SLC44A1: variants seen among roughly 807,000 people sequenced by gnomAD.
The protein encoded by SLC44A1 is solute carrier family 44 member 1.
Under a neutral mutation model 79.3 loss-of-function variants are expected in SLC44A1, and 26 were observed. The observed-to-expected ratio is 0.33, with a 90% CI of 0.24 to 0.46. The LOEUF (loss-of-function observed/expected upper bound fraction) is 0.46, where lower values mean the gene tolerates loss of function less well. Ranked by LOEUF, SLC44A1 falls within the 20% of genes least tolerant of loss-of-function variation. The pLI is 1.00. For missense variants in SLC44A1, 688 were observed against 798.1 expected (o/e 0.86, Z 1.66); for synonymous variants, 263 against 286.2 (o/e 0.92, Z 0.82).
At chr9:105,285,446 C>A (rs561367107) in intron 1 of SLC44A1, among the ~76,000 whole-genome samples, 2 of 152,202 alleles carry the variant, frequency 1.3e-5, no homozygotes, top group Non-Finnish European at 1.5e-5. Flanking sequence ...AAAAAGTTAA[C>A]CATGTAAAAA....
chr9:105,428,777 A>G (rs550595251), intron 15 of SLC44A1, among the ~76,000 whole-genome samples: 1 of 152,178 alleles, frequency 6.6e-6, no homozygotes, highest in South Asian at 2.1e-4. Context: ...TCGGCGCCCT[A>G]CAGCCTCCGC....
At chr9:105,385,890 G>A in intron 15 of SLC44A1, 4 of 985,232 alleles carry the variant, frequency 4.1e-6, no homozygotes, top group Non-Finnish European at 4.8e-6. Context: ...ATTTTGGAAG[G>A]TGATCATAGC....
At chr9:105,335,973 A>G (rs1054685339) in intron 4 of SLC44A1, among the ~76,000 whole-genome samples, 1 of 152,176 alleles carries the variant, frequency 6.6e-6, no homozygotes, top group Non-Finnish European at 1.5e-5. Context: ...GATGTAGTCT[A>G]TCGAGTATTT....
intron 1 of SLC44A1, among the ~76,000 whole-genome samples, chr9:105,276,067 A>G (rs911686735): frequency 3.3e-5 from 5 of 152,162 alleles, no homozygotes; most frequent in Middle Eastern, 3.4e-3. Context: ...CGGTCTCCCA[A>G]AGTGCTGGGA....
intron 1 of SLC44A1, among the ~76,000 whole-genome samples, chr9:105,278,780 T>G (rs1229323505): frequency 6.6e-6 from 1 of 152,252 alleles, no homozygotes; most frequent in Non-Finnish European, 1.5e-5. Context: ...CCACATATGC[T>G]AAAGTAAGTC....
In SLC44A1 at chr9:105,283,536, A is replaced by G. The variant is rs147400154; in HGVS notation, c.37-15684A>G. Among the ~76,000 whole-genome samples the G allele has an allele frequency of 1.7e-3, 264 of 152,342 alleles. 2 individuals are homozygous for G. The highest frequency in any genetic ancestry group is 6.1e-3 in the African/African-American group (255 of 41,582). On this transcript the variant is annotated intron_variant, in intron 1 of 15. Transcript: ENST00000374720. ...CTTAACGTAGAATTCATGTAAAACTACATCATAAGACACACCTATCAACCC... is the reference window on the plus strand; with the variant it reads ...CTTAACGTAGAATTCATGTAAAACTGCATCATAAGACACACCTATCAACCC...
chr9:105,259,457 A>G (rs1352056412), intron 1 of SLC44A1, among the ~76,000 whole-genome samples: 1 of 152,234 alleles, frequency 6.6e-6, no homozygotes, highest in Non-Finnish European at 1.5e-5. Flanking sequence ...ACTCTGGAGC[A>G]CAAATGATTA....
chr9:105,266,809 C>T (rs1459521289), intron 1 of SLC44A1, among the ~76,000 whole-genome samples: 1 of 152,188 alleles, frequency 6.6e-6, no homozygotes, highest in African/African-American at 2.4e-5. Flanking sequence ...TTCCCCTATA[C>T]ATTTTAGAAT....
intron 1 of SLC44A1, among the ~76,000 whole-genome samples, chr9:105,263,998 C>G (rs757443079): frequency 2.6e-5 from 4 of 152,098 alleles, no homozygotes; most frequent in African/African-American, 9.7e-5. Context: ...CTGCTACCTC[C>G]TCGCTTTTCA....
chr9:105,390,432 A>C lies in SLC44A1; in HGVS notation c.*1376A>C, dbSNP rs1828737342. 1 of 469,038 alleles carries C rather than the reference A, an allele frequency of 2.1e-6. No homozygotes were observed. Among genetic ancestry groups the C allele is most frequent in the Non-Finnish European group, 2.7e-6 (1 of 374,584 alleles). 29.1% of individuals were successfully genotyped at this position (469,038 alleles called of 1,614,324 possible). Reference sequence around the variant, plus strand: ...TTGCACTAAATACAGGCTCTGTACAAAAAAAAAAAAAAAAAAAAAGCCTCA... The same window carrying C: ...TTGCACTAAATACAGGCTCTGTACACAAAAAAAAAAAAAAAAAAAGCCTCA... On this transcript the variant is annotated 3_prime_UTR_variant, in exon 16 of 16. Coordinates refer to ENST00000374720, the MANE Select transcript of SLC44A1 (RefSeq NM_080546.5).
chr9:105,404,287 A>AATG (rs1468265454), intron 15 of SLC44A1, among the ~76,000 whole-genome samples: 1 of 151,722 alleles, frequency 6.6e-6, no homozygotes, highest in Non-Finnish European at 1.5e-5. Context: ...TTTAAAAGCT[A>AATG]ATGGAGGGAT....
At chr9:105,362,654 T>C (rs559309227) in intron 8 of SLC44A1, among the ~76,000 whole-genome samples, 167 bp from the exon 9 acceptor site, 2 of 152,302 alleles carry the variant, frequency 1.3e-5, no homozygotes, top group East Asian at 1.9e-4. Context: ...TAATATAAAA[T>C]TGACAATAAA....
chr9:105,296,417 A>G (rs1039217405), intron 1 of SLC44A1, among the ~76,000 whole-genome samples: 1 of 152,234 alleles, frequency 6.6e-6, no homozygotes, highest in African/African-American at 2.4e-5. Context: ...TTTCTGGTCA[A>G]AAATGAACTA....
In SLC44A1 at chr9:105,309,531, A is replaced by G. The variant is rs545896676; in HGVS notation, c.127-193A>G. 4.6e-5 allele frequency among the ~76,000 whole-genome samples: 7 copies of G among 152,322 alleles called. No individual in the cohort carries two copies. The East Asian group carries it at 1.2e-3, about 25-fold the overall frequency. On this transcript the variant is annotated intron_variant, in intron 2 of 15. Coordinates refer to ENST00000374720, the MANE Select transcript of SLC44A1 (RefSeq NM_080546.5). ...GGGATTTGTTTTGTTATGGTAGTAA[A>G]TAGTGTTTCCCTATGGACTTCTTTG...
chr9:105,374,314 A>T (rs1052625555), intron 12 of SLC44A1, among the ~76,000 whole-genome samples: 1 of 152,252 alleles, frequency 6.6e-6, no homozygotes, highest in African/African-American at 2.4e-5. Context: ...TGATTTACTA[A>T]AACAGGGAAG....
In SLC44A1 at chr9:105,396,420, C is replaced by T. The variant is rs1828876042; in HGVS notation, c.*7364C>T. 4.1e-6 allele frequency: 4 copies of T among 985,480 alleles called. 1 individual carries two copies. The African/African-American group carries it at 7.0e-5, about 17-fold the overall frequency. The allele number at this position is 985,480 out of a possible 1,614,324, so 61.0% of individuals were successfully genotyped here. On this transcript the variant is annotated 3_prime_UTR_variant, in exon 16 of 16. Coordinates refer to ENST00000374720, the MANE Select transcript of SLC44A1 (RefSeq NM_080546.5). Reference sequence around the variant, plus strand: ...ACAACCAAAGACAAAACCCTATCTTCTGAAGACCAAAGGTCCAACTTTACT... The same window carrying T: ...ACAACCAAAGACAAAACCCTATCTTTTGAAGACCAAAGGTCCAACTTTACT...
chr9:105,257,953 A>G (rs555732633), intron 1 of SLC44A1, among the ~76,000 whole-genome samples: 1 of 152,346 alleles, frequency 6.6e-6, no homozygotes, highest in African/African-American at 2.4e-5. Flanking sequence ...AAGGAAGATT[A>G]ATTTGACAGC....
In SLC44A1 at chr9:105,391,556, A is replaced by C. The variant is rs1828762658; in HGVS notation, c.*2500A>C. 1.0e-6 allele frequency: 1 copy of C among 985,318 alleles called. No individual in the cohort carries two copies. The highest frequency in any genetic ancestry group is 1.2e-6 in the Non-Finnish European group (1 of 829,880). 61.0% of individuals were successfully genotyped at this position (985,318 alleles called of 1,614,324 possible). On this transcript the variant is annotated 3_prime_UTR_variant, in exon 16 of 16. Coordinates refer to ENST00000374720, the MANE Select transcript of SLC44A1 (RefSeq NM_080546.5). ...CACAGAGAGATATTTAATATGTGGA[A>C]TATCACTCTTTCATGAGCTTTATTC...
intron 7 of SLC44A1, among the ~76,000 whole-genome samples, chr9:105,359,099 C>A (rs1042987076): frequency 1.3e-5 from 2 of 152,086 alleles, no homozygotes; most frequent in African/African-American, 4.8e-5. Flanking sequence ...TTGCTTTCAC[C>A]TGCTGTATCT....
Sources: gnomAD v4.1 joint callset for allele counts (sites outside exome capture counted in the v4.1 genomes callset) on GRCh38, gnomAD v4.1.1 for gene constraint, MANE v1.5 for transcripts, NCBI Gene and HGNC (gene_info 2026-07-23, HGNC 2026-07-21) for gene names.